ALK: variants seen among roughly 807,000 people sequenced by gnomAD.
ALK encodes ALK tyrosine kinase receptor.
In ALK, 74 loss-of-function variants were observed where a neutral mutation model predicts 163.1. The observed-to-expected ratio is 0.45, with a 90% CI of 0.38 to 0.55. The LOEUF (loss-of-function observed/expected upper bound fraction) is 0.55. Among genes scored for constraint, ALK ranks in the 20% least tolerant of loss-of-function variants. ALK has a pLI of 0.00. For synonymous variants in ALK, 960 were observed against 843.2 expected, an observed-to-expected ratio of 1.14 and a Z score of -2.40; for missense variants, 2,063 against 2,105.3, an observed-to-expected ratio of 0.98 and a Z score of 0.39.
At position 29,204,397 on chromosome 2, in the gene ALK, C is replaced by T. The variant is rs573534560; in HGVS notation, c.3938+2774G>A. On this transcript the variant is annotated intron_variant, in intron 26 of 28. Transcript: ENST00000389048. ...CTATGACAACACCTCCGACTTTCCTCGTTTTTTATGACCTTGACAGGTTTG... is the reference window on the plus strand; with the variant it reads ...CTATGACAACACCTCCGACTTTCCTTGTTTTTTATGACCTTGACAGGTTTG... Among the ~76,000 whole-genome samples, 18 of 149,626 alleles carry T rather than the reference C, an allele frequency of 1.2e-4. 1 individual carries two copies. The highest frequency in any genetic ancestry group is 4.2e-4 in the South Asian group (2 of 4,788).
At chr2:29,303,485 A>G (rs1046493872) in intron 8 of ALK, among the ~76,000 whole-genome samples, 6 of 152,256 alleles carry the variant, frequency 3.9e-5, no homozygotes, top group African/African-American at 1.4e-4. Flanking sequence ...GATTTCTCAA[A>G]GAACTAAAAA....
intron 1 of ALK, among the ~76,000 whole-genome samples, chr2:29,842,072 C>T (rs571958111): frequency 1.1e-4 from 17 of 151,914 alleles, no homozygotes; most frequent in African/African-American, 3.6e-4. Context: ...CATCCTCCCC[C>T]CTCCTTCCTT....
At chr2:29,464,918 G>GA (rs986876573) in intron 4 of ALK, among the ~76,000 whole-genome samples, 7 of 151,932 alleles carry the variant, frequency 4.6e-5, no homozygotes, top group African/African-American at 1.4e-4. Flanking sequence ...ATGAAGCTCA[G>GA]AAAAAAAGAC....
intron 4 of ALK, among the ~76,000 whole-genome samples, chr2:29,405,286 G>C (rs946880707): frequency 1.3e-5 from 2 of 152,108 alleles, no homozygotes; most frequent in African/African-American, 2.4e-5. Context: ...TGTTCCTTTC[G>C]AAACTCTGAT....
At chr2:29,406,153 T>G (rs758833748) in intron 4 of ALK, among the ~76,000 whole-genome samples, 2 of 152,218 alleles carry the variant, frequency 1.3e-5, no homozygotes, top group African/African-American at 2.4e-5. Context: ...TCCCTATTAC[T>G]GATGAGCACG....
At chr2:29,274,535 G>A (rs113669456) in intron 11 of ALK, among the ~76,000 whole-genome samples, 42 of 152,366 alleles carry the variant, frequency 2.8e-4, no homozygotes, top group African/African-American at 9.6e-4. Flanking sequence ...AGTCACACCT[G>A]TGGTTTATAA....
At position 29,517,882 on chromosome 2, in the gene ALK, GAGA is replaced by G. The variant is rs997199515; in HGVS notation, c.1154+14030_1154+14032del. Among the ~76,000 whole-genome samples, 28 of 152,312 alleles carry G rather than the reference GAGA, an allele frequency of 1.8e-4. No individual in the cohort carries two copies. In the East Asian group the frequency reaches 4.1e-3, roughly 22 times the overall value. ...GTGTGTGCATGGTGTGTGACAGACA[GAGA>G]AGGAGAACCTCGCCTCCCCTTCATC... is the stretch of plus-strand genomic sequence containing the variant. On this transcript the variant is annotated intron_variant, in intron 4 of 28. Coordinates refer to ENST00000389048, the MANE Select transcript of ALK (RefSeq NM_004304.5).
chr2:29,762,391 G>C (rs188911520), intron 1 of ALK, among the ~76,000 whole-genome samples: 4 of 152,178 alleles, frequency 2.6e-5, no homozygotes, highest in Admixed American at 1.3e-4. Context: ...AATGGGTCTC[G>C]TTGCTGAAAT....
At chr2:29,877,692 A>G (rs908863218) in intron 1 of ALK, among the ~76,000 whole-genome samples, 2 of 152,166 alleles carry the variant, frequency 1.3e-5, no homozygotes, top group African/African-American at 4.8e-5. Context: ...GTAGCAGCAT[A>G]TCATGGGTGA....
At chr2:29,905,159 C>T (rs1667510565) in intron 1 of ALK, among the ~76,000 whole-genome samples, 1 of 152,196 alleles carries the variant, frequency 6.6e-6, no homozygotes. Flanking sequence ...TGTTATCAAA[C>T]ATTCTCATTA....
At chr2:29,413,352 C>CT (rs58893508) in intron 4 of ALK, among the ~76,000 whole-genome samples, 2,202 of 145,388 alleles carry the variant, frequency 0.015, 36 homozygotes, top group African/African-American at 0.05. Flanking sequence ...TACTTGTTAT[C>CT]TTTTTTTTTT....
intron 25 of ALK, among the ~76,000 whole-genome samples, chr2:29,208,714 A>G (rs1024515870): frequency 2.6e-5 from 4 of 152,058 alleles, no homozygotes; most frequent in African/African-American, 9.7e-5. Context: ...TTATTCCCCA[A>G]AGAGTTAAAG....
intron 3 of ALK, among the ~76,000 whole-genome samples, chr2:29,596,086 C>T (rs1181431808): frequency 2.0e-5 from 3 of 152,222 alleles, no homozygotes; most frequent in African/African-American, 4.8e-5. Context: ...GTGCCTACTC[C>T]ACACTCAACA....
chr2:29,913,718 G>A (rs1350806517), intron 1 of ALK, among the ~76,000 whole-genome samples: 1 of 152,024 alleles, frequency 6.6e-6, no homozygotes, highest in South Asian at 2.1e-4. Flanking sequence ...TTTAGATTGA[G>A]GGATCTTCCT....
chr2:29,215,737 A>C (rs1306304152), intron 23 of ALK, among the ~76,000 whole-genome samples: 1 of 152,156 alleles, frequency 6.6e-6, no homozygotes, highest in Non-Finnish European at 1.5e-5. Context: ...ATGCACACCA[A>C]ATGCAGAATA....
intron 3 of ALK, among the ~76,000 whole-genome samples, chr2:29,600,661 T>C (rs191209084): frequency 9.9e-5 from 15 of 152,180 alleles, no homozygotes; most frequent in African/African-American, 3.4e-4. Context: ...GTCGATTGCA[T>C]GGTGGGGGTG....
At chr2:29,906,927 T>A (rs1372874599) in intron 1 of ALK, among the ~76,000 whole-genome samples, 2 of 141,688 alleles carry the variant, frequency 1.4e-5, no homozygotes, top group African/African-American at 5.2e-5. Flanking sequence ...AATATACATA[T>A]ACATTTAAGG....
chr2:29,529,408 G>A (rs908882284), intron 4 of ALK, among the ~76,000 whole-genome samples: 5 of 152,148 alleles, frequency 3.3e-5, no homozygotes, highest in Non-Finnish European at 5.9e-5. Context: ...TGTCCCCCTC[G>A]CTGCTCTGAG....
intron 5 of ALK, among the ~76,000 whole-genome samples, chr2:29,349,252 G>A (rs1365014015): frequency 2.6e-5 from 4 of 152,152 alleles, no homozygotes; most frequent in African/African-American, 9.7e-5. Context: ...TGGTTTCCCT[G>A]GCCTGTGTTG....
Sources: gnomAD v4.1 joint callset for allele counts (sites outside exome capture counted in the v4.1 genomes callset) on GRCh38, gnomAD v4.1.1 for gene constraint, MANE v1.5 for transcripts, NCBI Gene and HGNC (gene_info 2026-07-23, HGNC 2026-07-21) for gene names.